Variants in CLEC4M observed in about 807,000 individuals in gnomAD.
CLEC4M encodes the protein C-type lectin domain family 4 member M, also known as CD209 antigen-like protein 1.
Under a neutral mutation model 39.1 loss-of-function variants are expected in CLEC4M, and 25 were observed. The ratio of observed to expected loss-of-function variants is 0.64; its 90% CI spans 0.47 to 0.89. The LOEUF (loss-of-function observed/expected upper bound fraction) is 0.89. Ranked by LOEUF, CLEC4M falls within the 40% of genes least tolerant of loss-of-function variation. The pLI is 0.00. For synonymous variants in CLEC4M, 155 were observed against 177.4 expected (o/e 0.87, Z 1.00); for missense variants, 353 against 431.4 (o/e 0.82, Z 1.61).
chr19:7,765,166 C>T lies in CLEC4M; in HGVS notation c.131-19C>T, dbSNP rs377116159. ...TCAGGTGGGAACACTGGCAGGCTGACGCATGTATCCTCTCTCAGGGTGTCT... is the reference window on the plus strand; with the variant it reads ...TCAGGTGGGAACACTGGCAGGCTGATGCATGTATCCTCTCTCAGGGTGTCT... On this transcript the variant is annotated intron_variant, in intron 2 of 6. Coordinates refer to ENST00000327325, the MANE Select transcript of CLEC4M (RefSeq NM_014257.5). 45 of 1,613,182 alleles carry T rather than the reference C, an allele frequency of 2.8e-5. 1 individual carries two copies. The highest frequency in any genetic ancestry group is 1.6e-4 in the Middle Eastern group (1 of 6,084).
intron 5 of CLEC4M, 79 bp from the exon 6 acceptor site, chr19:7,767,437 C>A (rs2034325979): frequency 1.8e-6 from 2 of 1,122,626 alleles, no homozygotes; most frequent in South Asian, 1.3e-5. Context: ...GAAAGCAGAA[C>A]TTTCTGCCAA....
At chr19:7,766,407 C>T in intron 4 of CLEC4M, 200 bp downstream of exon 4, 1 of 1,454,998 alleles carries the variant, frequency 6.9e-7, no homozygotes, top group South Asian at 1.5e-5. Flanking sequence ...CCGCTGCCTT[C>T]TGTTCTGAGC....
chr19:7,763,619 G>A (rs182699937), intron 2 of CLEC4M, 143 bp downstream of exon 2: 71 of 655,288 alleles, frequency 1.1e-4, no homozygotes, highest in East Asian at 5.0e-4. Flanking sequence ...TGAAGAGGAC[G>A]GGGTAGGGAT....
rs1428434337 is a variant in CLEC4M at position 7,766,686 on chromosome 19, G to A, written c.815G>A (p.Trp272Ter). Reference sequence around the variant, plus strand: ...CTGTGCCGCCACTGTCCCAAGGACTGGACATTCTTCCAAGGAAACTGTTAC... The same window carrying A: ...CTGTGCCGCCACTGTCCCAAGGACTAGACATTCTTCCAAGGAAACTGTTAC... Reference protein sequence around the residue: ...ERLCRHCPKDWTFFQGNCYFM... With the variant: ...ERLCRHCPKD Residue 272 changes from tryptophan (W) to a stop codon, truncating the protein, a stop_gained, in exon 5 of 7, where the codon TGG (tryptophan) becomes TAG (stop). Transcript: ENST00000327325. LOFTEE classifies it high-confidence loss of function. The A allele has an allele frequency of 1.9e-6, 3 of 1,614,234 alleles. No homozygotes were observed. The highest frequency in any genetic ancestry group is 1.7e-6 in the Non-Finnish European group (2 of 1,180,038).
rs368282283 is a variant in CLEC4M, at chr19:7,763,374, C to G, written c.47-19C>G. On this transcript the variant is annotated intron_variant, in intron 1 of 6. Transcript: ENST00000327325. ...GGGAAGGGATGGCCCAGGCTCTGAG[C>G]TGATGTCTGTCAATTCAGAAGAAGA... The G allele has an allele frequency of 2.5e-6, 4 of 1,613,126 alleles. No homozygotes were observed. In the African/African-American group the frequency reaches 5.3e-5, roughly 22 times the overall value.
In CLEC4M at chr19:7,768,981, A is replaced by T. The variant is rs764668357; in HGVS notation, c.1193A>T (p.Asp398Val). Reference protein sequence around the residue: ...ICKKPAACFRDE With the variant: ...ICKKPAACFRVE ...AAAAAGCCCGCAGCCTGCTTCAGAGACGAATAGTTGTTTCCCTGCTAGCCT... is the reference window on the plus strand; with the variant it reads ...AAAAAGCCCGCAGCCTGCTTCAGAGTCGAATAGTTGTTTCCCTGCTAGCCT... Residue 398 changes from aspartate to valine, a missense_variant, in exon 7 of 7, where the codon GAC (aspartate) becomes GTC (valine). Physicochemically the swap from Asp to Val is radical, Grantham distance 152. Around this residue, in one of 4 missense-constraint regions of CLEC4M, gnomAD observed 196 missense variants for 211.7 expected, o/e 0.93. Transcript: ENST00000327325. The T allele has an allele frequency of 6.2e-7, 1 of 1,613,986 alleles. No individual in the cohort carries two copies. Among genetic ancestry groups the T allele is most frequent in the Non-Finnish European group, 8.5e-7 (1 of 1,179,890 alleles).
chr19:7,766,603 G>A (rs2034284998), intron 4 of CLEC4M, 53 bp from the exon 5 acceptor site: 4 of 1,609,576 alleles, frequency 2.5e-6, no homozygotes, highest in Non-Finnish European at 3.4e-6. Context: ...GGGCAGATAT[G>A]GGAATATGGA....
chr19:7,768,967 AG>A lies in CLEC4M; in HGVS notation c.1180del (p.Ala394ProfsTer53). On this transcript the variant is annotated frameshift_variant, in exon 7 of 7. Coordinates refer to ENST00000327325, the MANE Select transcript of CLEC4M (RefSeq NM_014257.5). LOFTEE classifies it low-confidence loss of function (END_TRUNC). ...ATTACTGGATCTGCAAAAAGCCCGC[AG>A]CCTGCTTCAGAGACGAATAGTTGTT... Reference protein sequence around the residue: ...DNYWICKKPAACFRDE With the variant: ...DNYWICKKPAXCFRDE 6.2e-7 allele frequency: 1 copy of A among 1,614,136 alleles called. No homozygotes were observed.
chr19:7,767,709 C>G (rs1411229770), intron 6 of CLEC4M, 81 bp downstream of exon 6: 1 of 1,195,082 alleles, frequency 8.4e-7, no homozygotes, highest in Non-Finnish European at 1.2e-6. Flanking sequence ...CTGGGGGTCC[C>G]CCCCAACCTC....
Position 7,766,826 on chromosome 19 carries a change from C to T in CLEC4M, c.936+19C>T, listed in dbSNP as rs761580730. On this transcript the variant is annotated intron_variant, in intron 5 of 6. Coordinates refer to ENST00000327325, the MANE Select transcript of CLEC4M (RefSeq NM_014257.5). Reference sequence around the variant, plus strand: ...GGAGCAGGTACACGTGGTGGGGGTCCTCGTCCTGGCCTGGGGCATGGCTTC... The same window carrying T: ...GGAGCAGGTACACGTGGTGGGGGTCTTCGTCCTGGCCTGGGGCATGGCTTC... 4 of 1,614,162 alleles carry T rather than the reference C, an allele frequency of 2.5e-6. No homozygotes were observed. In the South Asian group the frequency reaches 3.3e-5, roughly 13 times the overall value.
At chr19:7,765,111 G>A (rs1288061434) in intron 2 of CLEC4M, 74 bp from the exon 3 acceptor site, 22 of 1,530,088 alleles carry the variant, frequency 1.4e-5, no homozygotes, top group Non-Finnish European at 1.9e-5. Context: ...GGGTGCTGAG[G>A]GATTAGGCCA....
intron 3 of CLEC4M, 43 bp downstream of exon 3, chr19:7,765,311 C>T (rs758300329): frequency 8.7e-6 from 14 of 1,604,834 alleles, no homozygotes; most frequent in Non-Finnish European, 1.1e-5. Flanking sequence ...CAGGCCTGGC[C>T]TTTTGGCTAT....
In CLEC4M at chr19:7,763,273, G is replaced by A; in HGVS notation, c.7G>A (p.Asp3Asn). Residue 3 changes from aspartate to asparagine, a missense_variant, in exon 1 of 7, where the codon GAC becomes AAC. Asp to Asn is a conservative substitution (Grantham distance 23). Coordinates refer to ENST00000327325, the MANE Select transcript of CLEC4M (RefSeq NM_014257.5). MS[D>N]SKEPRVQQLG... ...CTGGGGACAGCGGGAAAACATGAGT[G>A]ACTCCAAGGAACCAAGGGTGCAGCA... The A allele has an allele frequency of 1.2e-6, 2 of 1,600,948 alleles. No homozygotes were observed. Among genetic ancestry groups the A allele is most frequent in the Non-Finnish European group, 1.7e-6 (2 of 1,174,436 alleles).
chr19:7,765,433 G>C (rs1460713020), intron 3 of CLEC4M, 165 bp downstream of exon 3: 2 of 1,134,434 alleles, frequency 1.8e-6, no homozygotes, highest in Non-Finnish European at 2.5e-6. Context: ...CTCTAGAGCA[G>C]GACAGGAGAG....
In CLEC4M at chr19:7,766,659, G is replaced by T. The variant is rs140767813; in HGVS notation, c.788G>T (p.Arg263Leu). ...CCTGACCAGCCTCCCCCAACAGAAC[G>T]CCTGTGCCGCCACTGTCCCAAGGAC... ...ELTDLKTAFE[R>L]LCRHCPKDWT... The change falls in exon 5 of 7, where the codon CGC (arginine) becomes CTC (leucine). Residue 263 changes from arginine (R) to leucine (L), a missense_variant. Transcript: ENST00000327325. 1.2e-5 allele frequency: 19 copies of T among 1,614,074 alleles called. No individual in the cohort carries two copies. The highest frequency in any genetic ancestry group is 1.6e-5 in the Non-Finnish European group (19 of 1,180,038).
intron 4 of CLEC4M, 75 bp downstream of exon 4, chr19:7,766,282 C>A: frequency 6.3e-7 from 1 of 1,587,422 alleles, no homozygotes; most frequent in Non-Finnish European, 8.6e-7. Context: ...GAGTTACCAA[C>A]CCTGCCTGAG....
At position 7,765,082 on chromosome 19, in the gene CLEC4M, C is replaced by T. The variant is rs181598861; in HGVS notation, c.131-103C>T. 1.4e-5 allele frequency: 17 copies of T among 1,252,380 alleles called. No individual in the cohort carries two copies. In the East Asian group the frequency reaches 3.7e-4, roughly 28 times the overall value. 77.6% of individuals were successfully genotyped at this position (1,252,380 alleles called of 1,614,324 possible). ...GGTGTTGGAGTGGAGGGGGCTGGGG[C>T]TGGGGTTCCTGGGTCCTGGGGTGCT... On this transcript the variant is annotated intron_variant, in intron 2 of 6. Transcript: ENST00000327325.
In CLEC4M at chr19:7,765,688, A is replaced by G. The variant is rs1219962732; in HGVS notation, c.265A>G (p.Ile89Val). 7 of 1,614,250 alleles carry G rather than the reference A, an allele frequency of 4.3e-6. No individual in the cohort carries two copies. Among genetic ancestry groups the G allele is most frequent in the East Asian group, 2.2e-5 (1 of 44,892 alleles). Residue 89 changes from isoleucine to valine, a missense_variant, in exon 4 of 7, where the codon ATC becomes GTC. Ile to Val is a conservative substitution (Grantham distance 29). Coordinates refer to ENST00000327325, the MANE Select transcript of CLEC4M (RefSeq NM_014257.5). ...TCAGGAACAATCCGAGCAAGACGCA[A>G]TCTACCAGAACCTGACCCAGCTTAA... ...LSQEQSEQDA[I>V]YQNLTQLKAA... is the part of the protein sequence containing the mutation.
Position 7,765,200 on chromosome 19 carries a change from G to A in CLEC4M, c.146G>A (p.Gly49Asp), listed in dbSNP as rs1847009440. The A allele has an allele frequency of 6.2e-7, 1 of 1,614,180 alleles. No homozygotes were observed. Among genetic ancestry groups the A allele is most frequent in the South Asian group, 1.1e-5 (1 of 91,084 alleles). ...HKSSTGCLGHGALVLQLLSFM... is the reference protein window; with the variant it reads ...HKSSTGCLGHDALVLQLLSFM... ...CCTCTCTCAGGGTGTCTTGGCCATG[G>A]CGCCCTGGTGCTGCAACTCCTCTCC... is the stretch of plus-strand genomic sequence containing the variant. Residue 49 changes from glycine (G) to aspartate (D), a missense_variant, in exon 3 of 7, where the codon GGC becomes GAC. Physicochemically the swap from Gly to Asp is moderately conservative, Grantham distance 94. Transcript: ENST00000327325.
Sources: allele counts gnomAD v4.1 joint callset, GRCh38; gene constraint gnomAD v4.1.1; regional missense constraint gnomAD v4.1.1; transcripts MANE v1.5; gene names NCBI Gene and HGNC (gene_info 2026-07-23, HGNC 2026-07-21).